The following STARD9 variants were observed in gnomAD, a reference collection of about 807,000 sequenced individuals.
STARD9 encodes the protein StAR related lipid transfer domain containing 9.
A neutral mutation model predicts 399.8 loss-of-function variants in STARD9; 346 were observed. That is an observed-to-expected ratio of 0.87 (90% CI 0.79 to 0.95). The LOEUF is 0.95. Among genes scored for constraint, STARD9 ranks in the 40% least tolerant of loss-of-function variants. The pLI, the probability that STARD9 is intolerant of heterozygous loss-of-function variation, is 0.00. For synonymous variants in STARD9, 2,203 were observed against 2,143.5 expected (o/e 1.03, Z -0.77); for missense variants, 5,832 against 5,667.5 (o/e 1.03, Z -0.93).
At chr15:42,577,135 G>C (rs938289333) in intron 1 of STARD9, among the ~76,000 whole-genome samples, 3 of 152,044 alleles carry the variant, frequency 2.0e-5, no homozygotes, top group African/African-American at 7.2e-5. Context: ...CAGTTCCTTG[G>C]ACACTAGGAA....
chr15:42,647,923 C>A (rs1209733244), intron 7 of STARD9, among the ~76,000 whole-genome samples: 1 of 152,220 alleles, frequency 6.6e-6, no homozygotes, highest in African/African-American at 2.4e-5. Context: ...GAGATTACAA[C>A]ATAGACCATT....
At chr15:42,588,734 G>A (rs951618062) in intron 3 of STARD9, among the ~76,000 whole-genome samples, 1 of 140,400 alleles carries the variant, frequency 7.1e-6, no homozygotes, top group African/African-American at 2.7e-5. Context: ...GACTTGGGGT[G>A]GAAAAGAATT....
At chr15:42,684,077 C>T (rs2060492008) in intron 22 of STARD9, 39 bp from the exon 23 acceptor site, 1 of 1,494,946 alleles carries the variant, frequency 6.7e-7, no homozygotes, top group Admixed American at 2.0e-5. Context: ...GAAGTAGTAC[C>T]TCTCACATCT....
At position 42,692,918 on chromosome 15, in the gene STARD9, G is replaced by T; in HGVS notation, c.11340G>T (p.Gly3780=). ...TVSQEEGDVP[G]VPQKREAEET... ...CTCAAGAAGAGGGAGATGTGCCAGG[G>T]GTACCTCAGAAGAGAGAGGCAGAGG... Residue 3780 remains glycine, a synonymous_variant, in exon 23 of 33, where the codon GGG becomes GGT. Transcript: ENST00000290607. 1 of 1,537,208 alleles carries T rather than the reference G, an allele frequency of 6.5e-7. No homozygotes were observed. The highest frequency in any genetic ancestry group is 2.0e-5 in the Admixed American group (1 of 50,998).
chr15:42,611,890 G>A (rs578119209), intron 3 of STARD9, among the ~76,000 whole-genome samples: 2 of 152,162 alleles, frequency 1.3e-5, no homozygotes, highest in East Asian at 3.8e-4. Context: ...GTAACTATAA[G>A]AGACTAATGG....
intron 22 of STARD9, among the ~76,000 whole-genome samples, chr15:42,683,862 G>A (rs931117745): frequency 2.6e-5 from 4 of 151,452 alleles, no homozygotes; most frequent in Non-Finnish European, 5.9e-5. Flanking sequence ...CTATTAATAG[G>A]AAGCTTTCCC....
At position 42,675,898 on chromosome 15, in the gene STARD9, CT is replaced by C. The variant is rs1290466201; in HGVS notation, c.1798del (p.Ser600ArgfsTer58). 9 of 1,537,224 alleles carry C rather than the reference CT, an allele frequency of 5.9e-6. No individual in the cohort carries two copies. In the South Asian group the frequency reaches 1.1e-4, roughly 18 times the overall value. On this transcript the variant is annotated frameshift_variant, in exon 20 of 33. Transcript: ENST00000290607. LOFTEE classifies it high-confidence loss of function. Reference sequence around the variant, plus strand: ...TTGGAGAGGCTGCTGCTGGTCGTGGCTCGTTGGAGTGGCTGGATTTGGATGG... The same window carrying C: ...TTGGAGAGGCTGCTGCTGGTCGTGGCCGTTGGAGTGGCTGGATTTGGATGG... ...QVGEAAAGRG[S>X]LEWLDLDGDL...
intron 3 of STARD9, among the ~76,000 whole-genome samples, chr15:42,589,338 C>T (rs1429686472): frequency 2.0e-5 from 3 of 152,160 alleles, no homozygotes; most frequent in South Asian, 4.1e-4. Context: ...AGGCATGAGT[C>T]ACCACGCTTG....
intron 1 of STARD9, among the ~76,000 whole-genome samples, chr15:42,577,626 T>C (rs574236822): frequency 3.3e-5 from 5 of 152,320 alleles, no homozygotes; most frequent in African/African-American, 1.2e-4. Context: ...TGGTAGGATG[T>C]CAAGACTGTA....
At chr15:42,649,325 G>A (rs973242641) in intron 7 of STARD9, among the ~76,000 whole-genome samples, 1 of 152,006 alleles carries the variant, frequency 6.6e-6, no homozygotes, top group African/African-American at 2.4e-5. Flanking sequence ...ACTGCACCCG[G>A]CTCCCTCCAT....
chr15:42,694,550 C>G lies in STARD9; in HGVS notation c.12787C>G (p.Leu4263Val), dbSNP rs369472585. The G allele has an allele frequency of 3.3e-6, 5 of 1,537,206 alleles. No individual in the cohort carries two copies. The East Asian group carries it at 7.3e-5, about 23-fold the overall frequency. ...YARQKKAIET[L>V]RRERAERLGN... ...CAGGCAAAAAAAGGCCATTGAGACC[C>G]TCAGGAGAGAGCGGGCTGAGCGACT... The change falls in exon 24 of 33, where the codon CTC (leucine) becomes GTC (valine). Residue 4263 changes from leucine (L) to valine (V), a missense_variant. This residue lies in a region of STARD9 where 5,828 missense variants were observed against 5,651.1 expected (regional missense o/e 1.03). Coordinates refer to ENST00000290607, the MANE Select transcript of STARD9 (RefSeq NM_020759.3).
At chr15:42,704,327 G>C (rs971120878) in intron 26 of STARD9, among the ~76,000 whole-genome samples, 1 of 152,162 alleles carries the variant, frequency 6.6e-6, no homozygotes, top group African/African-American at 2.4e-5. Flanking sequence ...CCCTGTCTTA[G>C]ATTATACTTC....
chr15:42,684,058 T>C, intron 22 of STARD9, 58 bp from the exon 23 acceptor site: 4 of 1,471,144 alleles, frequency 2.7e-6, no homozygotes, highest in Middle Eastern at 3.5e-4. Flanking sequence ...AACCTCCTTC[T>C]GTCCACAGGA....
chr15:42,644,216 G>A (rs1212423160), intron 7 of STARD9, among the ~76,000 whole-genome samples: 4 of 152,302 alleles, frequency 2.6e-5, no homozygotes, highest in South Asian at 2.1e-4. Flanking sequence ...ATACTTGGCC[G>A]GGCATGGCGG....
At chr15:42,645,000 T>A (rs968528396) in intron 7 of STARD9, among the ~76,000 whole-genome samples, 5 of 152,182 alleles carry the variant, frequency 3.3e-5, no homozygotes, top group African/African-American at 1.2e-4. Flanking sequence ...ATCTTCAGGC[T>A]CCACTTCTCA....
intron 4 of STARD9, among the ~76,000 whole-genome samples, chr15:42,637,699 C>T (rs2059445003): frequency 6.6e-6 from 1 of 152,118 alleles, no homozygotes; most frequent in Non-Finnish European, 1.5e-5. Flanking sequence ...ATATTCCTCT[C>T]ATTTGGTACA....
In STARD9 at chr15:42,691,188, C is replaced by T; in HGVS notation, c.9610C>T (p.Gln3204Ter). 1 of 1,537,258 alleles carries T rather than the reference C, an allele frequency of 6.5e-7. No homozygotes were observed. Residue 3204 changes from glutamine (Q) to a stop codon, truncating the protein, a stop_gained, in exon 23 of 33, where the codon CAG (glutamine) becomes TAG (stop). Coordinates refer to ENST00000290607, the MANE Select transcript of STARD9 (RefSeq NM_020759.3). LOFTEE classifies it high-confidence loss of function. ...AAGGTTAAAACATACCTGCAGCCCCCAGGAAGACAGTCCCTGGCAGGAAGA... is the reference window on the plus strand; with the variant it reads ...AAGGTTAAAACATACCTGCAGCCCCTAGGAAGACAGTCCCTGGCAGGAAGA... ...VARLKHTCSPQEDSPWQEEEQ... is the reference protein window; with the variant it reads ...VARLKHTCSP
chr15:42,585,173 G>A (rs769757061), intron 2 of STARD9, among the ~76,000 whole-genome samples: 7 of 151,992 alleles, frequency 4.6e-5, no homozygotes, highest in African/African-American at 7.2e-5. Flanking sequence ...AAAAAATTCC[G>A]AAACAGTTCT....
chr15:42,719,775 G>C lies in STARD9; in HGVS notation c.*201G>C, dbSNP rs1480174193. ...CTTGGTCACAGCTGGCACCAGTGCA[G>C]AGCAAACGGCCTGAGCTCCTGGCCC... is the stretch of plus-strand genomic sequence containing the variant. On this transcript the variant is annotated 3_prime_UTR_variant, in exon 33 of 33. Coordinates refer to ENST00000290607, the MANE Select transcript of STARD9 (RefSeq NM_020759.3). The C allele has an allele frequency of 1.8e-6, 1 of 560,888 alleles. No individual in the cohort carries two copies. The highest frequency in any genetic ancestry group is 3.2e-5 in the Admixed American group (1 of 31,118). 34.7% of individuals were successfully genotyped at this position (560,888 alleles called of 1,614,324 possible). A position where few individuals can be genotyped will look rare whatever the true frequency, so the allele number is the denominator to read the frequency against.
Sources: allele counts gnomAD v4.1 joint callset (sites outside exome capture counted in the v4.1 genomes callset), GRCh38; gene constraint gnomAD v4.1.1; regional missense constraint gnomAD v4.1.1; transcripts MANE v1.5; gene names NCBI Gene and HGNC (gene_info 2026-07-23, HGNC 2026-07-21).